The following FYN variants were observed in gnomAD, a reference collection of about 807,000 sequenced individuals.
FYN encodes tyrosine-protein kinase Fyn.
Under a neutral mutation model 70.2 loss-of-function variants are expected in FYN, and 10 were observed. That is an observed-to-expected ratio of 0.14 (90% CI 0.09 to 0.24). The LOEUF (loss-of-function observed/expected upper bound fraction) is 0.24, where lower values mean the gene tolerates loss of function less well. Among genes scored for constraint, FYN ranks in the 10% least tolerant of loss-of-function variants. The probability of loss-of-function intolerance (pLI) is 1.00; values close to 1 mark genes in which losing one functional copy is unlikely to be tolerated. For synonymous variants in FYN, 236 were observed against 248.6 expected (o/e 0.95, Z 0.48); for missense variants, 319 against 673.1 (o/e 0.47, Z 5.82).
At chr6:111,715,242 A>G (rs906622160) in intron 4 of FYN, among the ~76,000 whole-genome samples, 10 of 147,358 alleles carry the variant, frequency 6.8e-5, no homozygotes, top group African/African-American at 2.4e-4. Context: ...ATTAGGCATA[A>G]TTCTTTTTTT....
chr6:111,767,818 C>T (rs937147172), intron 3 of FYN, among the ~76,000 whole-genome samples: 2 of 152,188 alleles, frequency 1.3e-5, no homozygotes, highest in African/African-American at 4.8e-5. Context: ...CTACTGTGTG[C>T]CAGCACTGAG....
rs570874836 is a variant in FYN, at chr6:111,711,725, G to A, written c.344+2622C>T. The stretch of plus-strand genomic sequence containing the variant: ...CCTCTGAGGACCAGAGCCAGAGGCG[G>A]GAGAGGATGGGGGAGGGGAGGAGCC... On this transcript the variant is annotated intron_variant, in intron 5 of 13. Coordinates refer to ENST00000354650, the MANE Select transcript of FYN (RefSeq NM_002037.5). Among the ~76,000 whole-genome samples the A allele has an allele frequency of 8.5e-4, 129 of 152,358 alleles. 1 individual carries two copies. Among genetic ancestry groups the A allele is most frequent in the African/African-American group, 3.0e-3 (125 of 41,588 alleles).
At chr6:111,745,692 A>G (rs879323207) in intron 3 of FYN, among the ~76,000 whole-genome samples, 20 of 152,252 alleles carry the variant, frequency 1.3e-4, no homozygotes, top group African/African-American at 4.6e-4. Context: ...AACAGGCAGC[A>G]TGTTCTGGAG....
Position 111,720,020 on chromosome 6 carries a change from G to A in FYN, c.32C>T (p.Ala11Val). Residue 11 changes from alanine (A) to valine (V), a missense_variant, in exon 4 of 14, where the codon GCA (alanine) becomes GTA (valine). Transcript: ENST00000354650. MGCVQCKDKE[A>V]TKLTEERDGS... ...GTCCCTCTCCTCCGTCAGTTTTGTT[G>A]CTTCTTTATCCTTACATTGCACACA... is the stretch of plus-strand genomic sequence containing the variant. The A allele has an allele frequency of 3.1e-6, 5 of 1,612,366 alleles. No homozygotes were observed. Among genetic ancestry groups the A allele is most frequent in the Non-Finnish European group, 3.4e-6 (4 of 1,178,616 alleles).
chr6:111,678,251 T>G (rs1798635584), intron 12 of FYN, among the ~76,000 whole-genome samples: 1 of 151,980 alleles, frequency 6.6e-6, no homozygotes, highest in Admixed American at 6.6e-5. Flanking sequence ...AAACCTCGAC[T>G]TGTCATTGTG....
chr6:111,781,312 C>T (rs561767131), intron 2 of FYN, among the ~76,000 whole-genome samples: 2 of 152,280 alleles, frequency 1.3e-5, no homozygotes, highest in Admixed American at 6.5e-5. Context: ...GCAAGAATTT[C>T]ACAGTGGTGC....
chr6:111,733,374 G>A lies in FYN; in HGVS notation c.-11-13312C>T, dbSNP rs537156827. Among the ~76,000 whole-genome samples, 9 of 152,270 alleles carry A rather than the reference G, an allele frequency of 5.9e-5. No homozygotes were observed. In the East Asian group the frequency reaches 7.7e-4, roughly 13 times the overall value. Reference sequence around the variant, plus strand: ...CTGGACATGAATCTAGATCTAATACGCTTGCATCTTCTACCTACTACACCA... The same window carrying A: ...CTGGACATGAATCTAGATCTAATACACTTGCATCTTCTACCTACTACACCA... On this transcript the variant is annotated intron_variant, in intron 3 of 13. Transcript: ENST00000354650.
chr6:111,851,283 T>C (rs1032257680), intron 1 of FYN, among the ~76,000 whole-genome samples: 2 of 152,254 alleles, frequency 1.3e-5, no homozygotes, highest in African/African-American at 4.8e-5. Flanking sequence ...TTATCTTACG[T>C]AAATATTTAT....
chr6:111,767,377 T>C (rs1232433513), intron 3 of FYN, among the ~76,000 whole-genome samples: 1 of 152,198 alleles, frequency 6.6e-6, no homozygotes, highest in Non-Finnish European at 1.5e-5. Context: ...TTGGAAGCAA[T>C]ACTTACAAAG....
At chr6:111,701,513 G>A (rs143719288) in intron 8 of FYN, among the ~76,000 whole-genome samples, 151 of 152,194 alleles carry the variant, frequency 9.9e-4, no homozygotes, top group Non-Finnish European at 1.8e-3. Flanking sequence ...AGAGAAAGAG[G>A]GAAGAGGGAA....
chr6:111,828,163 C>G (rs1025662078), intron 2 of FYN, among the ~76,000 whole-genome samples: 1 of 152,074 alleles, frequency 6.6e-6, no homozygotes, highest in Non-Finnish European at 1.5e-5. Context: ...GGCCAAATTC[C>G]CCAGCCAGCA....
chr6:111,703,872 C>T, intron 7 of FYN, 127 bp downstream of exon 7: 1 of 687,064 alleles, frequency 1.5e-6, no homozygotes, highest in Non-Finnish European at 2.5e-6. Flanking sequence ...AAACAGGACT[C>T]CACTCACAAG....
intron 3 of FYN, among the ~76,000 whole-genome samples, chr6:111,758,119 C>T (rs1214710253): frequency 5.3e-5 from 8 of 152,028 alleles, no homozygotes; most frequent in African/African-American, 1.9e-4. Flanking sequence ...CTGGAAACAT[C>T]AAAATAAGCA....
intron 2 of FYN, among the ~76,000 whole-genome samples, chr6:111,815,123 A>G (rs11965741): frequency 0.021 from 3,201 of 152,280 alleles, 95 homozygotes; most frequent in African/African-American, 0.071. Context: ...ATCCAGCTCA[A>G]TCACACTGGA....
chr6:111,856,635 G>A (rs565973599), intron 1 of FYN, among the ~76,000 whole-genome samples: 23 of 152,152 alleles, frequency 1.5e-4, no homozygotes, highest in African/African-American at 5.3e-4. Context: ...TTTTTAAAAT[G>A]TCAGTTAATA....
intron 3 of FYN, among the ~76,000 whole-genome samples, chr6:111,722,958 C>T (rs1262746681): frequency 6.6e-6 from 1 of 152,190 alleles, no homozygotes; most frequent in Admixed American, 6.5e-5. Context: ...GGCGAACAGG[C>T]ATGTTAGGTA....
chr6:111,675,538 A>T (rs1385828689), intron 12 of FYN, among the ~76,000 whole-genome samples: 2 of 152,154 alleles, frequency 1.3e-5, no homozygotes, highest in Non-Finnish European at 2.9e-5. Context: ...TCACACCTGT[A>T]ATCCCAGCAC....
At chr6:111,826,306 C>T (rs1442247022) in intron 2 of FYN, among the ~76,000 whole-genome samples, 1 of 152,170 alleles carries the variant, frequency 6.6e-6, no homozygotes, top group African/African-American at 2.4e-5. Context: ...GGCCTCCCAA[C>T]TCTGGCTTTT....
chr6:111,830,449 G>T (rs974459921), intron 2 of FYN, among the ~76,000 whole-genome samples: 1 of 152,196 alleles, frequency 6.6e-6, no homozygotes, highest in Non-Finnish European at 1.5e-5. Context: ...TAAAGTGTGT[G>T]CCTGCGTGTG....
Sources: allele counts gnomAD v4.1 joint callset (sites outside exome capture counted in the v4.1 genomes callset), GRCh38; gene constraint gnomAD v4.1.1; transcripts MANE v1.5; gene names NCBI Gene and HGNC (gene_info 2026-07-23, HGNC 2026-07-21).